The following SATL1 variants were observed in gnomAD, a reference collection of about 807,000 sequenced individuals.
The protein encoded by SATL1 is spermidine/spermine N1-acetyl transferase like 1, also known as spermidine/spermine N(1)-acetyltransferase-like protein 1.
SATL1 carries 47 observed loss-of-function variants against 51.8 expected under a neutral mutation model. The observed-to-expected ratio is 0.91, with a 90% CI of 0.72 to 1.16. The LOEUF is 1.16. Among genes scored for constraint, SATL1 ranks in the 50% most tolerant of loss-of-function variants. The pLI is 0.00. For synonymous variants in SATL1, 176 were observed against 182.4 expected, an observed-to-expected ratio of 0.97 and a Z score of 0.28; for missense variants, 520 against 526.4, an observed-to-expected ratio of 0.99 and a Z score of 0.12.
intron 2 of SATL1, among the ~76,000 whole-genome samples, chrX:85,149,543 A>G (rs1277154706): frequency 1.8e-5 from 2 of 111,803 alleles, no homozygotes; most frequent in African/African-American, 6.5e-5. Flanking sequence ...ACCTATTCCA[A>G]AATTGACCAC....
chrX:85,119,415 C>A (rs1178038842), intron 2 of SATL1, among the ~76,000 whole-genome samples: 1 of 111,563 alleles, frequency 9.0e-6, no homozygotes, highest in African/African-American at 3.3e-5. Context: ...TAGTATGACT[C>A]CAGAGCCCAC....
chrX:85,119,084 T>C (rs373608391), intron 2 of SATL1, among the ~76,000 whole-genome samples: 12 of 111,841 alleles, frequency 1.1e-4, no homozygotes, highest in African/African-American at 3.6e-4. Context: ...CCAGGTACTA[T>C]GGCAAATGCT....
At chrX:85,146,498 AAAT>A (rs1412357150) in intron 2 of SATL1, among the ~76,000 whole-genome samples, 2 of 111,907 alleles carry the variant, frequency 1.8e-5, no homozygotes, top group East Asian at 5.6e-4. Context: ...AAATTTAAAA[AAAT>A]AAACTTTATC....
chrX:85,156,208 A>T (rs1023850272), intron 2 of SATL1: 1 of 111,701 alleles, frequency 9.0e-6, no homozygotes, highest in Non-Finnish European at 1.9e-5. Flanking sequence ...TATAGTCTGA[A>T]AATGGGAGCA....
Position 85,179,285 on chromosome X carries a change from T to G in SATL1, c.-313+44920A>C, listed in dbSNP as rs1927149937. 2.7e-5 allele frequency among the ~76,000 whole-genome samples: 3 copies of G among 111,805 alleles called. No individual in the cohort carries two copies. The Admixed American group carries it at 2.9e-4, about 11-fold the overall frequency. ...GATTTACTAAACCTTTTGAGACAAG[T>G]GCTATTCTTAATATTTTTCTCAGTA... On this transcript the variant is annotated intron_variant, in intron 2 of 7. Coordinates refer to ENST00000644105, the MANE Select transcript of SATL1 (RefSeq NM_001367857.2).
chrX:85,145,423 G>C (rs966652849), intron 2 of SATL1, among the ~76,000 whole-genome samples: 122 of 112,016 alleles, frequency 1.1e-3, no homozygotes, highest in Non-Finnish European at 2.8e-4. Flanking sequence ...AATAAATCTT[G>C]TTGAATGAGT....
intron 2 of SATL1, among the ~76,000 whole-genome samples, chrX:85,152,390 A>C (rs1429364238): frequency 8.9e-6 from 1 of 111,888 alleles, no homozygotes; most frequent in Non-Finnish European, 1.9e-5. Flanking sequence ...TAGTTCAACC[A>C]TTGTGGAAGT....
At position 85,094,928 on chromosome X, in the gene SATL1, G is replaced by A. The variant is rs759157934; in HGVS notation, c.1762C>T (p.Gln588Ter). The change falls in exon 5 of 8, where the codon CAA becomes TAA. Residue 588 changes from glutamine (Q) to a stop codon, truncating the protein, a stop_gained. Coordinates refer to ENST00000644105, the MANE Select transcript of SATL1 (RefSeq NM_001367857.2). LOFTEE classifies it high-confidence loss of function. ...YCLIAEVNDQ[Q>*]KPSGKLTVGF... ...AGGTTTACTCTACCTGATGGTTTTT[G>A]TTGATCGTTTACTTCTGCAATCAGG... 328 of 1,175,949 alleles carry A rather than the reference G, an allele frequency of 2.8e-4. 2 individuals carry two copies. In the South Asian group the frequency reaches 5.7e-3, roughly 20 times the overall value.
At chrX:85,222,476 A>G (rs936058429) in intron 2 of SATL1, among the ~76,000 whole-genome samples, 1 of 111,458 alleles carries the variant, frequency 9.0e-6, no homozygotes, top group Non-Finnish European at 1.9e-5. Flanking sequence ...TACCTGTCTT[A>G]CCTGACTTTT....
In SATL1 at chrX:85,103,870, CTGT is replaced by C. The variant is rs1227066841; in HGVS notation, c.1684_1686del (p.Thr562del). On this transcript the variant is annotated inframe_deletion, in exon 4 of 8. Transcript: ENST00000644105. ...ATACCACAAAACACCTTACCAGCTG[CTGT>C]TAACTCCATTGCATCTAGCATGTTT... is the stretch of plus-strand genomic sequence containing the variant. 1.7e-6 allele frequency: 2 copies of C among 1,185,860 alleles called. No individual in the cohort carries two copies. Among genetic ancestry groups the C allele is most frequent in the Admixed American group, 4.4e-5 (2 of 45,473 alleles).
intron 3 of SATL1, among the ~76,000 whole-genome samples, chrX:85,104,664 C>A (rs138310524): frequency 1.8e-5 from 2 of 110,483 alleles, no homozygotes; most frequent in Admixed American, 9.7e-5. Context: ...CTCCCTCAGC[C>A]CCAGGATACC....
intron 4 of SATL1, among the ~76,000 whole-genome samples, chrX:85,095,687 G>A (rs962360992): frequency 9.5e-6 from 1 of 105,231 alleles, no homozygotes; most frequent in African/African-American, 3.5e-5. Flanking sequence ...TTAGCCGGGC[G>A]TAGTGGCGCG....
At chrX:85,113,138 T>G (rs1925298308) in intron 2 of SATL1, among the ~76,000 whole-genome samples, 1 of 110,644 alleles carries the variant, frequency 9.0e-6, no homozygotes, top group Non-Finnish European at 1.9e-5. Flanking sequence ...AGGGGCAGAA[T>G]TATGCCTCTG....
In SATL1 at chrX:85,160,664, G is replaced by A. The variant is rs1267929919; in HGVS notation, c.-312-51384C>T. 6.3e-5 allele frequency among the ~76,000 whole-genome samples: 7 copies of A among 110,685 alleles called. No individual in the cohort carries two copies. The South Asian group carries it at 2.0e-3, about 31-fold the overall frequency. ...ATGAAAAGGAAAAAATAAAACCTCC[G>A]AGAAATATGACATTATGTAAAGCGA... On this transcript the variant is annotated intron_variant, in intron 2 of 7. Transcript: ENST00000644105.
At chrX:85,136,995 A>T (rs1925974939) in intron 2 of SATL1, among the ~76,000 whole-genome samples, 1 of 111,594 alleles carries the variant, frequency 9.0e-6, no homozygotes, top group Non-Finnish European at 1.9e-5. Context: ...TTTAAATACT[A>T]CTGGGAAGGA....
intron 2 of SATL1, among the ~76,000 whole-genome samples, chrX:85,194,535 G>A (rs998401088): frequency 2.7e-5 from 3 of 110,989 alleles, no homozygotes; most frequent in Admixed American, 9.6e-5. Flanking sequence ...TCTCTGATTT[G>A]GATTACTGGG....
intron 2 of SATL1, chrX:85,142,823 C>T (rs1408708292): frequency 8.9e-6 from 1 of 112,049 alleles, no homozygotes; most frequent in Non-Finnish European, 1.9e-5. Context: ...TGGATTACAT[C>T]TGTATTTGTT....
intron 2 of SATL1, chrX:85,209,322 T>C (rs1410255221): frequency 1.8e-5 from 2 of 111,812 alleles, no homozygotes; most frequent in African/African-American, 6.5e-5. Context: ...TGCCTCCAGC[T>C]TTGTTCTTTT....
chrX:85,221,196 C>T (rs1004367606), intron 2 of SATL1, among the ~76,000 whole-genome samples: 18 of 106,111 alleles, frequency 1.7e-4, no homozygotes, highest in Non-Finnish European at 3.9e-5. Context: ...CTCTGTCACT[C>T]TGTCTTTCTG....
Sources: gnomAD v4.1 joint callset for allele counts (sites outside exome capture counted in the v4.1 genomes callset) on GRCh38, gnomAD v4.1.1 for gene constraint, MANE v1.5 for transcripts, NCBI Gene and HGNC (gene_info 2026-07-23, HGNC 2026-07-21) for gene names.